Variants in ESRRG observed in about 807,000 individuals in gnomAD.
The protein encoded by ESRRG is estrogen related receptor gamma.
A neutral mutation model predicts 44.0 loss-of-function variants in ESRRG; 13 were observed. The ratio of observed to expected loss-of-function variants is 0.30; its 90% CI spans 0.19 to 0.47. The LOEUF is 0.47. ESRRG is among the 20% of genes least tolerant of loss of function. The probability of loss-of-function intolerance (pLI) is 1.00; values close to 1 mark genes in which losing one functional copy is unlikely to be tolerated. For missense variants in ESRRG, 395 were observed against 580.6 expected, an observed-to-expected ratio of 0.68 and a Z score of 3.29; for synonymous variants, 215 against 214.6, an observed-to-expected ratio of 1.00 and a Z score of -0.02.
intron 2 of ESRRG, among the ~76,000 whole-genome samples, chr1:216,914,455 TC>T (rs924952370): frequency 9.8e-5 from 15 of 152,292 alleles, no homozygotes; most frequent in African/African-American, 3.6e-4. Context: ...AGGCCATTTT[TC>T]AAACCATCAG....
In ESRRG at chr1:217,064,632, C is replaced by T. The variant is rs12069409; in HGVS notation, c.-106+24875G>A. 3.7e-3 allele frequency among the ~76,000 whole-genome samples: 569 copies of T among 152,258 alleles called. 5 individuals carry two copies. Among genetic ancestry groups the T allele is most frequent in the African/African-American group, 0.013 (545 of 41,558 alleles). ...AATGAGGCCAGGAGATTGAGAAAAGCGTGCAGCTAACAGGTACAAAATATC... is the reference window on the plus strand; with the variant it reads ...AATGAGGCCAGGAGATTGAGAAAAGTGTGCAGCTAACAGGTACAAAATATC... On this transcript the variant is annotated intron_variant, in intron 1 of 7. Coordinates refer to the ESRRG transcript ENST00000359162.
intron 2 of ESRRG, among the ~76,000 whole-genome samples, chr1:216,671,765 ATACTT>A (rs2075228066): frequency 6.6e-6 from 1 of 152,218 alleles, no homozygotes; most frequent in Admixed American, 6.5e-5. Flanking sequence ...GGAAAGAAGA[ATACTT>A]TATTTCTAGC....
chr1:216,665,998 C>T (rs1296392799), intron 2 of ESRRG, among the ~76,000 whole-genome samples: 1 of 152,048 alleles, frequency 6.6e-6, no homozygotes, highest in Non-Finnish European at 1.5e-5. Flanking sequence ...ACATCACTGC[C>T]CTGGGCTTTA....
chr1:216,700,058 G>GAA (rs2081079311), intron 1 of ESRRG, among the ~76,000 whole-genome samples: 2 of 151,656 alleles, frequency 1.3e-5, no homozygotes, highest in South Asian at 4.2e-4. Context: ...CAGAGAGAGA[G>GAA]AACGAAGCAC....
In ESRRG at chr1:216,734,553, C is replaced by T. The variant is rs367814365; in HGVS notation, c.-13-57062G>A. Among the ~76,000 whole-genome samples the T allele has an allele frequency of 4.4e-4, 67 of 152,240 alleles. 1 individual carries two copies. The highest frequency in any genetic ancestry group is 1.5e-3 in the African/African-American group (64 of 41,542). Reference sequence around the variant, plus strand: ...GATATGCCTCTGCCCCTTCACCTTCCGCCATGATTATAAGCTTCCTGGAGC... The same window carrying T: ...GATATGCCTCTGCCCCTTCACCTTCTGCCATGATTATAAGCTTCCTGGAGC... On this transcript the variant is annotated intron_variant, in intron 2 of 7. Coordinates refer to the ESRRG transcript ENST00000359162.
intron 1 of ESRRG, among the ~76,000 whole-genome samples, chr1:217,133,803 A>G (rs1249601818): frequency 1.3e-5 from 2 of 151,838 alleles, no homozygotes; most frequent in Non-Finnish European, 2.9e-5. Flanking sequence ...GCAAAGATCA[A>G]CAGCTAAGAT....
intron 2 of ESRRG, among the ~76,000 whole-genome samples, chr1:216,916,938 T>C (rs1455415700): frequency 7.2e-6 from 1 of 138,292 alleles, no homozygotes; most frequent in African/African-American, 2.7e-5. Context: ...ACCATTGTAT[T>C]TGCTCAGGAG....
chr1:216,690,979 T>G (rs992800609), intron 1 of ESRRG, among the ~76,000 whole-genome samples: 1 of 152,222 alleles, frequency 6.6e-6, no homozygotes, highest in African/African-American at 2.4e-5. Flanking sequence ...ATAAATGCAT[T>G]TATGTGTATA....
chr1:216,700,165 C>A (rs1314760867), intron 1 of ESRRG, among the ~76,000 whole-genome samples: 14 of 151,294 alleles, frequency 9.3e-5, no homozygotes, highest in Admixed American at 9.2e-4. Flanking sequence ...CCTCGCTTAA[C>A]TATTAAGCGG....
At chr1:216,720,658 T>C (rs2086051673) in intron 1 of ESRRG, among the ~76,000 whole-genome samples, 1 of 152,150 alleles carries the variant, frequency 6.6e-6, no homozygotes, top group Admixed American at 6.5e-5. Flanking sequence ...GGGATTGTCT[T>C]GTTTTTTAAT....
chr1:216,759,948 A>C (rs1244495077), intron 2 of ESRRG, among the ~76,000 whole-genome samples: 1 of 152,098 alleles, frequency 6.6e-6, no homozygotes, highest in Non-Finnish European at 1.5e-5. Flanking sequence ...GTTCCTGCTC[A>C]ACCTTCAGAT....
At chr1:217,051,272 C>CT (rs2085985652) in intron 1 of ESRRG, among the ~76,000 whole-genome samples, 1 of 149,762 alleles carries the variant, frequency 6.7e-6, no homozygotes, top group East Asian at 2.0e-4. Flanking sequence ...GAGGGTTTCC[C>CT]TTTAGGTATT....
At chr1:217,010,879 T>A (rs1017361687) in intron 1 of ESRRG, among the ~76,000 whole-genome samples, 3 of 152,064 alleles carry the variant, frequency 2.0e-5, no homozygotes, top group African/African-American at 7.2e-5. Context: ...GAAGTTTAAT[T>A]CTCTTCTATA....
chr1:216,791,853 G>A (rs950993262), intron 2 of ESRRG, among the ~76,000 whole-genome samples: 1 of 152,138 alleles, frequency 6.6e-6, no homozygotes, highest in Admixed American at 6.6e-5. Context: ...TAGTTTTGCA[G>A]ATAAGGAAAT....
intron 1 of ESRRG, among the ~76,000 whole-genome samples, chr1:216,955,228 T>C (rs1051506354): frequency 2.0e-5 from 3 of 152,238 alleles, no homozygotes; most frequent in East Asian, 3.9e-4. Context: ...CTTATAACCA[T>C]AATTATACTC....
intron 2 of ESRRG, among the ~76,000 whole-genome samples, chr1:216,869,877 A>AT (rs1186272473): frequency 1.3e-5 from 2 of 151,978 alleles, no homozygotes; most frequent in African/African-American, 4.8e-5. Context: ...AAATGCAATG[A>AT]TTTTTGTATG....
At chr1:216,912,173 A>AGG (rs2060471753) in intron 2 of ESRRG, among the ~76,000 whole-genome samples, 2 of 23,970 alleles carry the variant, frequency 8.3e-5, no homozygotes, top group Non-Finnish European at 1.4e-4. Context: ...AAGAAAAGAA[A>AGG]AGAAAAGAAA....
chr1:216,708,957 A>G (rs978664334), intron 1 of ESRRG, among the ~76,000 whole-genome samples: 5 of 152,154 alleles, frequency 3.3e-5, no homozygotes, highest in East Asian at 1.9e-4. Context: ...CAGCAAACTA[A>G]CACAGGAACA....
At chr1:217,119,746 T>C (rs2092794303) in intron 1 of ESRRG, among the ~76,000 whole-genome samples, 1 of 152,216 alleles carries the variant, frequency 6.6e-6, no homozygotes, top group Admixed American at 6.5e-5. Flanking sequence ...GGAAAGTAAA[T>C]GTAAACTTAA....
Sources: allele counts gnomAD v4.1 joint callset (sites outside exome capture counted in the v4.1 genomes callset), GRCh38; gene constraint gnomAD v4.1.1; transcripts MANE v1.5; gene names NCBI Gene and HGNC (gene_info 2026-07-23, HGNC 2026-07-21).